ZNF276: variants seen among roughly 807,000 people sequenced by gnomAD.
The protein encoded by ZNF276 is zinc finger protein 276, also known as centromere protein Z.
In ZNF276, 59 loss-of-function variants were observed where a neutral mutation model predicts 63.9. That is an observed-to-expected ratio of 0.92 (90% CI 0.75 to 1.15). The LOEUF (loss-of-function observed/expected upper bound fraction) is 1.15, where lower values mean the gene tolerates loss of function less well. ZNF276 is among the 50% of genes most tolerant of loss of function. The pLI, the probability that ZNF276 is intolerant of heterozygous loss-of-function variation, is 0.00. For synonymous variants in ZNF276, 496 were observed against 348.4 expected (o/e 1.42, Z -4.72); for missense variants, 1,084 against 843.8 (o/e 1.28, Z -3.53).
rs571591239 is a variant in ZNF276, at chr16:89,722,449, G to A, written c.206-82G>A. 90 of 1,462,882 alleles carry A rather than the reference G, an allele frequency of 6.2e-5. No individual in the cohort carries two copies. In the African/African-American group the frequency reaches 1.1e-3, roughly 19 times the overall value. 90.6% of individuals were successfully genotyped at this position (1,462,882 alleles called of 1,614,324 possible). ...CCGCGCGAAGGGCGCTGCAGGCGCT[G>A]CCCTCGGACCTGGAGTCCGGGACGC... On this transcript the variant is annotated intron_variant, in intron 1 of 10. Coordinates refer to ENST00000443381, the MANE Select transcript of ZNF276 (RefSeq NM_001113525.2).
chr16:89,722,535 A>G lies in ZNF276; in HGVS notation c.210A>G (p.Ala70=), dbSNP rs1219667917. ...AGEDGADEAG[A]GRALAMGHCR... ...ACTTCCTGCCGCTCTGTGCAGGAGC[A>G]GGCCGGGCTCTCGCCATGGGTCACT... is the stretch of plus-strand genomic sequence containing the variant. Residue 70 remains alanine, a synonymous_variant, in exon 2 of 11, where the codon GCA becomes GCG. Coordinates refer to ENST00000443381, the MANE Select transcript of ZNF276 (RefSeq NM_001113525.2). The G allele has an allele frequency of 6.2e-7, 1 of 1,610,940 alleles. No individual in the cohort carries two copies. The highest frequency in any genetic ancestry group is 1.1e-5 in the South Asian group (1 of 90,970).
At position 89,738,020 on chromosome 16, in the gene ZNF276, A is replaced by G; in HGVS notation, c.1619A>G (p.Lys540Arg). The G allele has an allele frequency of 6.2e-7, 1 of 1,614,122 alleles. No individual in the cohort carries two copies. Among genetic ancestry groups the G allele is most frequent in the Non-Finnish European group, 8.5e-7 (1 of 1,180,036 alleles). Residue 540 changes from lysine (K) to arginine (R), a missense_variant, in exon 11 of 11, where the codon AAG becomes AGG. Coordinates refer to ENST00000443381, the MANE Select transcript of ZNF276 (RefSeq NM_001113525.2). ...GFQCRQRASL[K>R]YHMTKHKAET... ...CAGTGCAGGCAGCGGGCATCCCTCAAGTACCACATGACCAAACACAAGGCT... is the reference window on the plus strand; with the variant it reads ...CAGTGCAGGCAGCGGGCATCCCTCAGGTACCACATGACCAAACACAAGGCT...
intron 9 of ZNF276, 29 bp from the exon 10 acceptor site, chr16:89,737,777 C>T (rs369086041): frequency 6.8e-6 from 11 of 1,613,882 alleles, no homozygotes; most frequent in Non-Finnish European, 9.3e-6. Context: ...GCATCAGGGG[C>T]CTGGACTCAC....
Position 89,736,251 on chromosome 16 carries a change from T to C in ZNF276, c.1475-1555T>C, listed in dbSNP as rs147607286. Among the ~76,000 whole-genome samples, 893 of 152,230 alleles carry C rather than the reference T, an allele frequency of 5.9e-3. 23 individuals carry two copies. The highest frequency in any genetic ancestry group is 5.2e-3 in the East Asian group (27 of 5,156). ...TATGTTGGCCAGGCTGGTCTCGAGT[T>C]CCTGACCTCAGGTGATTTGCCTGCC... On this transcript the variant is annotated intron_variant, in intron 9 of 10. Coordinates refer to ENST00000443381, the MANE Select transcript of ZNF276 (RefSeq NM_001113525.2).
rs775234845 is a variant in ZNF276 at position 89,739,162 on chromosome 16, C to A, written c.*916C>A. 5 of 1,614,052 alleles carry A rather than the reference C, an allele frequency of 3.1e-6. No individual in the cohort carries two copies. The highest frequency in any genetic ancestry group is 4.2e-6 in the Non-Finnish European group (5 of 1,180,046). On this transcript the variant is annotated 3_prime_UTR_variant, in exon 11 of 11. Transcript: ENST00000443381. ...CCCTTGAGCTCCAGGCTCCTGCCAG[C>A]TGGAGGTGAAACTGTGCTTGTATCC... is the stretch of plus-strand genomic sequence containing the variant.
chr16:89,726,398 T>C (rs942043105), intron 4 of ZNF276, among the ~76,000 whole-genome samples: 1 of 152,070 alleles, frequency 6.6e-6, no homozygotes, highest in African/African-American at 2.4e-5. Context: ...GGTTTCTCCA[T>C]GTTGGTAAGG....
chr16:89,739,627 G>C lies in ZNF276; in HGVS notation c.*1381G>C. On this transcript the variant is annotated 3_prime_UTR_variant, in exon 11 of 11. Transcript: ENST00000443381. ...TATCAGTGCTGGGGACACCCCTGGG[G>C]GTCGGGACGTGTACCCTGGGAGGCC... is the stretch of plus-strand genomic sequence containing the variant. 6.6e-7 allele frequency: 1 copy of C among 1,521,540 alleles called. No individual in the cohort carries two copies. The highest frequency in any genetic ancestry group is 2.5e-5 in the East Asian group (1 of 40,762). 94.3% of individuals were successfully genotyped at this position (1,521,540 alleles called of 1,614,324 possible).
At position 89,737,916 on chromosome 16, in the gene ZNF276, G is replaced by A. The variant is rs749738500; in HGVS notation, c.1574+11G>A. The A allele has an allele frequency of 6.4e-7, 1 of 1,567,234 alleles. No individual in the cohort carries two copies. Among genetic ancestry groups the A allele is most frequent in the South Asian group, 1.1e-5 (1 of 89,138 alleles). Reference sequence around the variant, plus strand: ...AGCCAAGCCTTTGCAGTAAGTGTGAGTCAGGACCCCCTCCCAGGGCTGTGG... The same window carrying A: ...AGCCAAGCCTTTGCAGTAAGTGTGAATCAGGACCCCCTCCCAGGGCTGTGG... On this transcript the variant is annotated intron_variant, in intron 10 of 10. Transcript: ENST00000443381.
Position 89,739,701 on chromosome 16 carries a change from G to C in ZNF276, c.*1455G>C. ...GAACAGCCTGAGCTGAGGATACCCA[G>C]GTACCTGTCAGCAGCTGGGAGAGGA... On this transcript the variant is annotated 3_prime_UTR_variant, in exon 11 of 11. Transcript: ENST00000443381. 6.6e-7 allele frequency: 1 copy of C among 1,514,710 alleles called. No homozygotes were observed. Among genetic ancestry groups the C allele is most frequent in the Non-Finnish European group, 8.9e-7 (1 of 1,128,114 alleles). The allele number at this position is 1,514,710 out of a possible 1,614,324, so 93.8% of individuals were successfully genotyped here.
At chr16:89,736,991 T>A (rs1465891627) in intron 9 of ZNF276, among the ~76,000 whole-genome samples, 1 of 152,112 alleles carries the variant, frequency 6.6e-6, no homozygotes, top group Non-Finnish European at 1.5e-5. Context: ...GTTTCAGGGC[T>A]TGACAGATGT....
At chr16:89,737,022 G>A (rs1333624870) in intron 9 of ZNF276, among the ~76,000 whole-genome samples, 1 of 152,178 alleles carries the variant, frequency 6.6e-6, no homozygotes, top group African/African-American at 2.4e-5. Flanking sequence ...CAGGGTGAGT[G>A]GGTCTGCATG....
chr16:89,729,749 C>T (rs1418255438), intron 6 of ZNF276, among the ~76,000 whole-genome samples: 1 of 152,200 alleles, frequency 6.6e-6, no homozygotes, highest in African/African-American at 2.4e-5. Flanking sequence ...GCTCTGTCAT[C>T]CTCCCAGTTC....
At chr16:89,720,879 GC>G, upstream of ZNF276, 1 of 1,348,164 alleles carries the variant, frequency 7.4e-7, no homozygotes, top group South Asian at 1.8e-5. Flanking sequence ...AGCGGGGGAG[GC>G]GGCGGCGGTA....
chr16:89,739,685 G>A lies in ZNF276; in HGVS notation c.*1439G>A. On this transcript the variant is annotated 3_prime_UTR_variant, in exon 11 of 11. Coordinates refer to ENST00000443381, the MANE Select transcript of ZNF276 (RefSeq NM_001113525.2). ...GGGGATAGTGTGGGGCGAACAGCCT[G>A]AGCTGAGGATACCCAGGTACCTGTC... 1 of 1,513,374 alleles carries A rather than the reference G, an allele frequency of 6.6e-7. No homozygotes were observed. The highest frequency in any genetic ancestry group is 1.2e-5 in the South Asian group (1 of 82,464). 93.7% of individuals were successfully genotyped at this position (1,513,374 alleles called of 1,614,324 possible).
chr16:89,729,398 G>C, intron 6 of ZNF276, 80 bp downstream of exon 6: 1 of 1,270,816 alleles, frequency 7.9e-7, no homozygotes, highest in African/African-American at 1.5e-5. Context: ...GCCTCTCCCC[G>C]GTGCCCACTC....
intron 6 of ZNF276, chr16:89,731,690 C>G (rs4785713): frequency 0.39 from 60,008 of 152,240 alleles, 13,133 homozygotes; most frequent in East Asian, 0.76. Context: ...TCCCAGGGTG[C>G]TGGGACTGCC....
intron 9 of ZNF276, among the ~76,000 whole-genome samples, chr16:89,735,718 T>A (rs1263282641): frequency 6.6e-6 from 1 of 152,050 alleles, no homozygotes; most frequent in African/African-American, 2.4e-5. Context: ...AAAACTTTTT[T>A]TTTAATTTAT....
chr16:89,732,840 C>A lies in ZNF276; in HGVS notation c.1170-462C>A, dbSNP rs544990431. 9.8e-5 allele frequency: 22 copies of A among 224,486 alleles called. No homozygotes were observed. The East Asian group carries it at 2.4e-3, about 24-fold the overall frequency. 13.9% of individuals were successfully genotyped at this position (224,486 alleles called of 1,614,324 possible). On this transcript the variant is annotated intron_variant, in intron 6 of 10. Coordinates refer to ENST00000443381, the MANE Select transcript of ZNF276 (RefSeq NM_001113525.2). ...GTTCACCTGACCCTGCTGTGTCCTG[C>A]GCCCTTGCCCTCTGCTGTGCTCGCC...
chr16:89,721,686 C>T lies in ZNF276; in HGVS notation c.46C>T (p.Arg16Ter). Residue 16 changes from arginine (R) to a stop codon, truncating the protein, a stop_gained, in exon 1 of 11, where the codon CGA (arginine) becomes TGA (stop). Transcript: ENST00000443381. LOFTEE classifies it high-confidence loss of function. ...CCGCTTCCTGTCTCCTGGGTCGTCC[C>T]GACAGTGCGGGGCCTCGGACGGCGG... ...LGRFLSPGSS[R>*]QCGASDGGGG... is the part of the protein sequence containing the mutation. 1.4e-6 allele frequency: 2 copies of T among 1,426,008 alleles called. No homozygotes were observed. The highest frequency in any genetic ancestry group is 1.8e-6 in the Non-Finnish European group (2 of 1,093,486). The allele number at this position is 1,426,008 out of a possible 1,614,324, so 88.3% of individuals were successfully genotyped here.
Sources: gnomAD v4.1 joint callset for allele counts (sites outside exome capture counted in the v4.1 genomes callset) on GRCh38, gnomAD v4.1.1 for gene constraint, MANE v1.5 for transcripts, NCBI Gene and HGNC (gene_info 2026-07-23, HGNC 2026-07-21) for gene names.